The following VWA5A variants were observed in gnomAD, a reference collection of about 807,000 sequenced individuals.
The protein encoded by VWA5A is von Willebrand factor A domain-containing protein 5A.
Under a neutral mutation model 84.6 loss-of-function variants are expected in VWA5A, and 77 were observed. That is an observed-to-expected ratio of 0.91 (90% CI 0.76 to 1.10). VWA5A has a LOEUF of 1.10. Among genes scored for constraint, VWA5A ranks in the 50% least tolerant of loss-of-function variants. The pLI is 0.00. For synonymous variants in VWA5A, 334 were observed against 350.1 expected, an observed-to-expected ratio of 0.95 and a Z score of 0.51; for missense variants, 973 against 963.0, an observed-to-expected ratio of 1.01 and a Z score of -0.14.
At position 124,147,389 on chromosome 11, in the gene VWA5A, A is replaced by T. The variant is rs1314335786; in HGVS notation, c.*1444A>T. Reference sequence around the variant, plus strand: ...TTAACACTTTCGAGTTCCACTCAGAATTCCTAGAGGAACATCGGTGACTTT... The same window carrying T: ...TTAACACTTTCGAGTTCCACTCAGATTTCCTAGAGGAACATCGGTGACTTT... On this transcript the variant is annotated 3_prime_UTR_variant, in exon 19 of 19. Transcript: ENST00000456829. 6.6e-6 allele frequency: 1 copy of T among 152,220 alleles called. No homozygotes were observed. The highest frequency in any genetic ancestry group is 1.5e-5 in the Non-Finnish European group (1 of 68,036). 9.4% of individuals were successfully genotyped at this position (152,220 alleles called of 1,614,324 possible).
chr11:124,127,383 A>G (rs1056380170), intron 11 of VWA5A, among the ~76,000 whole-genome samples: 1 of 152,190 alleles, frequency 6.6e-6, no homozygotes, highest in Non-Finnish European at 1.5e-5. Flanking sequence ...TCCATGGTGC[A>G]TATGTGCCAC....
rs1864850972 is a variant in VWA5A, at chr11:124,117,523, C to T, written c.12C>T (p.Phe4=). 3.7e-6 allele frequency: 6 copies of T among 1,614,218 alleles called. No homozygotes were observed. The highest frequency in any genetic ancestry group is 4.2e-6 in the Non-Finnish European group (5 of 1,180,034). ...AATCTTGCATCACCATGGTGCACTT[C>T]TGTGGCCTACTCACCCTCCACCGGG... MVH[F]CGLLTLHREP... The change falls in exon 3 of 19, where the codon TTC becomes TTT. Residue 4 remains phenylalanine, a synonymous_variant. Transcript: ENST00000456829.
rs184014395 is a variant in VWA5A at position 124,130,343 on chromosome 11, C to G, written c.1245-4577C>G. ...TTTGATTGCACCGTGGTCTGAGAGA[C>G]AGTTTGTTATGATTTCCATTATTTT... is the stretch of plus-strand genomic sequence containing the variant. On this transcript the variant is annotated intron_variant, in intron 11 of 18. Transcript: ENST00000456829. Among the ~76,000 whole-genome samples, 3 of 152,236 alleles carry G rather than the reference C, an allele frequency of 2.0e-5. No homozygotes were observed. In the East Asian group the frequency reaches 5.8e-4, roughly 29 times the overall value.
intron 11 of VWA5A, among the ~76,000 whole-genome samples, chr11:124,131,360 A>T (rs1455857278): frequency 6.6e-6 from 1 of 152,066 alleles, no homozygotes; most frequent in Non-Finnish European, 1.5e-5. Flanking sequence ...GATGCAATTT[A>T]AAATGTATGA....
At chr11:124,117,287 G>A in intron 2 of VWA5A, 1 of 598,276 alleles carries the variant, frequency 1.7e-6, no homozygotes, top group Non-Finnish European at 3.0e-6. Flanking sequence ...AGATACCAGT[G>A]AATCTTACAC....
chr11:124,126,718 C>T (rs575280429), intron 11 of VWA5A, among the ~76,000 whole-genome samples: 19 of 152,040 alleles, frequency 1.2e-4, no homozygotes, highest in Non-Finnish European at 2.2e-4. Flanking sequence ...GAGATCACAC[C>T]GCTGCACTCC....
chr11:124,141,815 C>G (rs2137665531), intron 16 of VWA5A, 74 bp downstream of exon 16: 1 of 1,541,386 alleles, frequency 6.5e-7, no homozygotes, highest in Non-Finnish European at 8.8e-7. Flanking sequence ...AAGCTAAAAG[C>G]TTGTAGTTAC....
Position 124,134,904 on chromosome 11 carries a change from C to A in VWA5A, c.1245-16C>A, listed in dbSNP as rs77117241. On this transcript the variant is annotated splice_polypyrimidine_tract_variant and intron_variant, in intron 11 of 18. Coordinates refer to ENST00000456829, the MANE Select transcript of VWA5A (RefSeq NM_001130142.2). ...TTTAATGCCTTCCTCTAACCTCTGT[C>A]CTGTTACAATTGCAGGTGTTTCTCA... is the stretch of plus-strand genomic sequence containing the variant. The A allele has an allele frequency of 2.0e-4, 318 of 1,598,696 alleles. No individual in the cohort carries two copies. In the African/African-American group the frequency reaches 3.8e-3, roughly 19 times the overall value.
In VWA5A at chr11:124,146,564, A is replaced by C. The variant is rs549534357; in HGVS notation, c.*619A>C. 2 of 152,586 alleles carry C rather than the reference A, an allele frequency of 1.3e-5. No individual in the cohort carries two copies. Among genetic ancestry groups the C allele is most frequent in the South Asian group, 4.1e-4 (2 of 4,834 alleles). The allele number at this position is 152,586 out of a possible 1,614,324, so 9.5% of individuals were successfully genotyped here. A position where few individuals can be genotyped will look rare whatever the true frequency, so the allele number is the denominator to read the frequency against. On this transcript the variant is annotated 3_prime_UTR_variant, in exon 19 of 19. Coordinates refer to ENST00000456829, the MANE Select transcript of VWA5A (RefSeq NM_001130142.2). The stretch of plus-strand genomic sequence containing the variant: ...TACATGTCTTTTCTTCCACTGCCTG[A>C]AAGACTTGGGTTGAACTATAACTGT...
At position 124,118,852 on chromosome 11, in the gene VWA5A, T is replaced by C; in HGVS notation, c.646-123T>C. On this transcript the variant is annotated intron_variant, in intron 6 of 18. Coordinates refer to ENST00000456829, the MANE Select transcript of VWA5A (RefSeq NM_001130142.2). The stretch of plus-strand genomic sequence containing the variant: ...TCGTCATTTAATCTCCAGAGCCTTC[T>C]CTCCAGCCTCACCTCTGTTCCTAGT... 3.0e-6 allele frequency: 4 copies of C among 1,342,266 alleles called. No homozygotes were observed. The South Asian group carries it at 5.4e-5, about 18-fold the overall frequency. The allele number at this position is 1,342,266 out of a possible 1,614,324, so 83.1% of individuals were successfully genotyped here. A position where few individuals can be genotyped will look rare whatever the true frequency, so the allele number is the denominator to read the frequency against.
At position 124,119,105 on chromosome 11, in the gene VWA5A, C is replaced by A; in HGVS notation, c.760+16C>A. The A allele has an allele frequency of 6.2e-7, 1 of 1,606,784 alleles. No homozygotes were observed. The highest frequency in any genetic ancestry group is 8.5e-7 in the Non-Finnish European group (1 of 1,174,956). On this transcript the variant is annotated intron_variant, in intron 7 of 18. Coordinates refer to ENST00000456829, the MANE Select transcript of VWA5A (RefSeq NM_001130142.2). ...ATGAAGCCAGGTATTTTCTTTCTTCCTTTGTAGTCATCCCCTAAGGGGCAA... is the reference window on the plus strand; with the variant it reads ...ATGAAGCCAGGTATTTTCTTTCTTCATTTGTAGTCATCCCCTAAGGGGCAA...
Position 124,142,559 on chromosome 11 carries a change from C to A in VWA5A, c.2141C>A (p.Ala714Glu). ...ATGAGTTTGGAAGAAATAATGGCTG[C>A]ACAGCCTGCCGAGGTAAGATTCAAT... ...LGMSLEEIMA[A>E]QPAELVDSSG... The change falls in exon 17 of 19, where the codon GCA becomes GAA. Residue 714 changes from alanine (A) to glutamate (E), a missense_variant. By Grantham distance (107) the Ala-to-Glu change is moderately radical (BLOSUM62 -1). Coordinates refer to ENST00000456829, the MANE Select transcript of VWA5A (RefSeq NM_001130142.2). The A allele has an allele frequency of 6.2e-7, 1 of 1,614,112 alleles. No individual in the cohort carries two copies. Among genetic ancestry groups the A allele is most frequent in the East Asian group, 2.2e-5 (1 of 44,868 alleles).
chr11:124,120,819 T>C (rs1864920312), intron 7 of VWA5A, among the ~76,000 whole-genome samples: 1 of 152,220 alleles, frequency 6.6e-6, no homozygotes, highest in Non-Finnish European at 1.5e-5. Flanking sequence ...CAAAGGACTG[T>C]TTTCACCAGA....
intron 11 of VWA5A, among the ~76,000 whole-genome samples, chr11:124,132,369 T>C (rs1394802166): frequency 1.3e-5 from 2 of 152,106 alleles, no homozygotes; most frequent in African/African-American, 4.8e-5. Flanking sequence ...AAGGTTGCCT[T>C]TTTTCCTTGC....
chr11:124,137,664 C>T (rs370283477), intron 15 of VWA5A, among the ~76,000 whole-genome samples: 1 of 152,108 alleles, frequency 6.6e-6, no homozygotes, highest in South Asian at 2.1e-4. Flanking sequence ...CCATTGATTG[C>T]CACAATCAAT....
At chr11:124,124,896 T>C (rs1352691689) in intron 11 of VWA5A, 1 of 152,272 alleles carries the variant, frequency 6.6e-6, no homozygotes, top group Non-Finnish European at 1.5e-5. Flanking sequence ...GAGATTCATA[T>C]ACATTTTGAG....
chr11:124,125,605 A>G (rs1037131175), intron 11 of VWA5A, among the ~76,000 whole-genome samples: 1 of 151,858 alleles, frequency 6.6e-6, no homozygotes, highest in Non-Finnish European at 1.5e-5. Context: ...TTTAACTTAC[A>G]TTTTCCTGCT....
At chr11:124,140,206 T>G (rs1166047624) in intron 15 of VWA5A, among the ~76,000 whole-genome samples, 2 of 152,194 alleles carry the variant, frequency 1.3e-5, no homozygotes, top group East Asian at 3.8e-4. Flanking sequence ...TGTTGAGGAT[T>G]GTGCATCTAT....
chr11:124,118,281 T>C lies in VWA5A; in HGVS notation c.339T>C (p.Asn113=), dbSNP rs764147921. The C allele has an allele frequency of 4.3e-6, 7 of 1,614,174 alleles. No individual in the cohort carries two copies. The highest frequency in any genetic ancestry group is 2.2e-5 in the South Asian group (2 of 91,076). ...DSSSRDVFSC[N]VGNLQPGSKA... is the part of the protein sequence containing the mutation. ...GCTCCAGGGATGTCTTCTCTTGCAATGTGGGTAACCTCCAACCTGGGTCGA... is the reference window on the plus strand; with the variant it reads ...GCTCCAGGGATGTCTTCTCTTGCAACGTGGGTAACCTCCAACCTGGGTCGA... The change falls in exon 5 of 19, where the codon AAT becomes AAC. Residue 113 remains asparagine, a synonymous_variant. Coordinates refer to ENST00000456829, the MANE Select transcript of VWA5A (RefSeq NM_001130142.2).
Sources: gnomAD v4.1 joint callset for allele counts (sites outside exome capture counted in the v4.1 genomes callset) on GRCh38, gnomAD v4.1.1 for gene constraint, MANE v1.5 for transcripts, NCBI Gene and HGNC (gene_info 2026-07-23, HGNC 2026-07-21) for gene names.